DNAAF11: variants seen among roughly 807,000 people sequenced by gnomAD.
DNAAF11 encodes dynein axonemal assembly factor 11.
A neutral mutation model predicts 60.8 loss-of-function variants in DNAAF11; 45 were observed. The ratio of observed to expected loss-of-function variants is 0.74; its 90% confidence interval spans 0.58 to 0.95. The LOEUF is 0.95. Among genes scored for constraint, DNAAF11 ranks in the 40% least tolerant of loss-of-function variants. The probability of loss-of-function intolerance (pLI) is 0.00; values close to 1 mark genes in which losing one functional copy is unlikely to be tolerated. For synonymous variants in DNAAF11, 191 were observed against 183.5 expected (o/e 1.04, Z -0.33); for missense variants, 546 against 546.2 (o/e 1.00, Z 0.00).
chr8:132,617,723 G>A (rs1333795197), intron 7 of DNAAF11, among the ~76,000 whole-genome samples: 2 of 151,878 alleles, frequency 1.3e-5, no homozygotes, highest in Non-Finnish European at 2.9e-5. Flanking sequence ...AAAATACCTA[G>A]GAATCCAACT....
chr8:132,620,587 G>C (rs1052426124), intron 7 of DNAAF11, among the ~76,000 whole-genome samples: 5 of 152,122 alleles, frequency 3.3e-5, no homozygotes, highest in African/African-American at 1.2e-4. Context: ...TGCCTGCCTC[G>C]GTCTCCCAAA....
chr8:132,662,848 A>G (rs542289164), intron 1 of DNAAF11, among the ~76,000 whole-genome samples: 1 of 152,336 alleles, frequency 6.6e-6, no homozygotes, highest in South Asian at 2.1e-4. Context: ...CTTCACAGCA[A>G]CTTCTGCTAC....
At chr8:132,697,691 G>A in the DNAAF11 span, among the ~76,000 whole-genome samples, 1 of 152,082 alleles carries the variant, frequency 6.6e-6, no homozygotes, top group Admixed American at 6.6e-5. Flanking sequence ...AGACATCAAT[G>A]TGTATGTGGA....
At chr8:132,671,372 A>T (rs562268813) in intron 1 of DNAAF11, among the ~76,000 whole-genome samples, 2 of 152,346 alleles carry the variant, frequency 1.3e-5, no homozygotes, top group African/African-American at 4.8e-5. Context: ...AATATTGTAG[A>T]CATTTTGTAA....
At chr8:132,661,393 A>T in intron 2 of DNAAF11, 67 bp downstream of exon 2, 1 of 1,293,746 alleles carries the variant, frequency 7.7e-7, no homozygotes, top group Non-Finnish European at 1.1e-6. Flanking sequence ...AAAATAACAC[A>T]GCACTTTCCA....
At chr8:132,579,481 G>A (rs1409339332) in intron 11 of DNAAF11, among the ~76,000 whole-genome samples, 2 of 152,090 alleles carry the variant, frequency 1.3e-5, no homozygotes, top group African/African-American at 4.8e-5. Context: ...CCTGGACCAC[G>A]TGATCAGTGG....
At chr8:132,691,660 C>CT in the DNAAF11 span, among the ~76,000 whole-genome samples, 1 of 151,928 alleles carries the variant, frequency 6.6e-6, no homozygotes, top group African/African-American at 2.4e-5. Context: ...GAGAGAGAGA[C>CT]TTTTTTTTAA....
chr8:132,656,825 CT>C lies in DNAAF11; in HGVS notation c.256+4del. 2 of 1,221,142 alleles carry C rather than the reference CT, an allele frequency of 1.6e-6. No homozygotes were observed. Among genetic ancestry groups the C allele is most frequent in the Non-Finnish European group, 2.4e-6 (2 of 845,178 alleles). 75.6% of individuals were successfully genotyped at this position (1,221,142 alleles called of 1,614,324 possible). On this transcript the variant is annotated splice_donor_region_variant and intron_variant, in intron 3 of 11. Transcript: ENST00000620350. ...ATAATAGCATAATAGAAGAAACAGTCTTACCTTCCAAGTTTTCTATTTTTTC... is the reference window on the plus strand; with the variant it reads ...ATAATAGCATAATAGAAGAAACAGTCTACCTTCCAAGTTTTCTATTTTTTC...
At chr8:132,582,304 G>T (rs890067377) in intron 11 of DNAAF11, among the ~76,000 whole-genome samples, 3 of 152,178 alleles carry the variant, frequency 2.0e-5, no homozygotes, top group African/African-American at 7.2e-5. Flanking sequence ...AAAAAGAAAG[G>T]CTTTGCAAAA....
Position 132,625,341 on chromosome 8 carries a change from A to T in DNAAF11, c.767T>A (p.Phe256Tyr). 1 of 1,613,410 alleles carries T rather than the reference A, an allele frequency of 6.2e-7. No homozygotes were observed. Among genetic ancestry groups the T allele is most frequent in the Non-Finnish European group, 8.5e-7 (1 of 1,179,644 alleles). ...AGTTTCCAATCTTGATTCAGGAGTA[A>T]ACAAACAGGGCTTATTCCAGAATTC... The part of the protein sequence containing the change: ...DLEFWNKPCL[F>Y]TPESRLETLR... The change falls in exon 6 of 12, where the codon TTT becomes TAT. Residue 256 changes from phenylalanine to tyrosine, a missense_variant. Physicochemically the swap from Phe to Tyr is conservative, Grantham distance 22. Transcript: ENST00000620350.
intron 11 of DNAAF11, among the ~76,000 whole-genome samples, chr8:132,582,398 G>C (rs1472351782): frequency 6.6e-6 from 1 of 152,148 alleles, no homozygotes; most frequent in African/African-American, 2.4e-5. Context: ...TAGTTTTCCT[G>C]GGGTCTGAAA....
In DNAAF11 at chr8:132,583,681, G is replaced by A. The variant is rs1412885230; in HGVS notation, c.1226+13C>T. ...AATATAATACAGCTAAGGACAGTCTGGGAGGGTGGTACCTTGTATTTGTTT... is the reference window on the plus strand; with the variant it reads ...AATATAATACAGCTAAGGACAGTCTAGGAGGGTGGTACCTTGTATTTGTTT... On this transcript the variant is annotated intron_variant, in intron 11 of 11. Coordinates refer to ENST00000620350, the MANE Select transcript of DNAAF11 (RefSeq NM_012472.6). The A allele has an allele frequency of 6.2e-7, 1 of 1,606,294 alleles. No homozygotes were observed. The highest frequency in any genetic ancestry group is 8.5e-7 in the Non-Finnish European group (1 of 1,173,064).
intron 3 of DNAAF11, among the ~76,000 whole-genome samples, chr8:132,652,503 T>C (rs62514514): frequency 0.011 from 1,742 of 152,208 alleles, 16 homozygotes; most frequent in Non-Finnish European, 0.019. Context: ...ATCTCATCCA[T>C]AAAATAAGAA....
chr8:132,635,730 C>T (rs1280757869), intron 4 of DNAAF11, among the ~76,000 whole-genome samples: 2 of 152,050 alleles, frequency 1.3e-5, no homozygotes, highest in Admixed American at 6.6e-5. Context: ...AAGTCCTAAC[C>T]CCCAGTAGCT....
intron 1 of DNAAF11, among the ~76,000 whole-genome samples, chr8:132,669,146 C>A (rs1824926264): frequency 6.6e-6 from 1 of 152,138 alleles, no homozygotes; most frequent in Non-Finnish European, 1.5e-5. Flanking sequence ...ATTTTGATTT[C>A]TTTCCTACCC....
intron 10 of DNAAF11, among the ~76,000 whole-genome samples, chr8:132,601,291 G>A (rs1301477455): frequency 6.6e-6 from 1 of 152,166 alleles, no homozygotes; most frequent in African/African-American, 2.4e-5. Context: ...TGGAGAGGAT[G>A]TGGAGAAACA....
intron 10 of DNAAF11, among the ~76,000 whole-genome samples, chr8:132,593,361 A>ATATT (rs1491085425): frequency 1.4e-5 from 2 of 144,516 alleles, no homozygotes; most frequent in Non-Finnish European, 3.0e-5. Context: ...ATATATATAT[A>ATATT]TTTATATGTA....
intron 2 of DNAAF11, among the ~76,000 whole-genome samples, chr8:132,660,864 T>C (rs113472796): frequency 1.2e-4 from 18 of 152,308 alleles, no homozygotes; most frequent in African/African-American, 3.8e-4. Context: ...CTGAGGGCAA[T>C]ATTAGCAAGC....
intron 10 of DNAAF11, among the ~76,000 whole-genome samples, chr8:132,592,427 A>G (rs1316146033): frequency 6.6e-6 from 1 of 152,164 alleles, no homozygotes; most frequent in Non-Finnish European, 1.5e-5. Context: ...AGAGAATAGC[A>G]AGTTCCTGGA....
Sources: gnomAD v4.1 joint callset for allele counts (sites outside exome capture counted in the v4.1 genomes callset) on GRCh38, gnomAD v4.1.1 for gene constraint, MANE v1.5 for transcripts, NCBI Gene and HGNC (gene_info 2026-07-23, HGNC 2026-07-21) for gene names.